SHROOM4: variants seen among roughly 807,000 people sequenced by gnomAD.
The protein encoded by SHROOM4 is protein Shroom4.
SHROOM4 carries 17 observed loss-of-function variants against 80.3 expected under a neutral mutation model. The ratio of observed to expected loss-of-function variants is 0.21; its 90% confidence interval spans 0.14 to 0.32. The LOEUF is 0.32. Among genes scored for constraint, SHROOM4 ranks in the 10% least tolerant of loss-of-function variants. SHROOM4 has a pLI of 1.00. For synonymous variants in SHROOM4, 400 were observed against 437.5 expected, an observed-to-expected ratio of 0.91 and a Z score of 1.07; for missense variants, 993 against 1,140.3, an observed-to-expected ratio of 0.87 and a Z score of 1.86.
chrX:50,617,469 A>G (rs1930293278), intron 5 of SHROOM4, among the ~76,000 whole-genome samples: 1 of 111,677 alleles, frequency 9.0e-6, no homozygotes, highest in South Asian at 3.8e-4. Flanking sequence ...TAAGGAGTTT[A>G]AGCCTGGACT....
At chrX:50,678,179 A>G (rs1932878721) in intron 2 of SHROOM4, among the ~76,000 whole-genome samples, 1 of 111,219 alleles carries the variant, frequency 9.0e-6, no homozygotes, top group Non-Finnish European at 1.9e-5. Context: ...TTTCCTCTCA[A>G]AGGTTAGCCC....
chrX:50,685,380 C>T (rs1933048719), intron 2 of SHROOM4, among the ~76,000 whole-genome samples: 1 of 111,562 alleles, frequency 9.0e-6, no homozygotes, highest in Non-Finnish European at 1.9e-5. Flanking sequence ...AAGTCTGGAG[C>T]TCAGGAAGAA....
chrX:50,778,853 C>T (rs1385928037), intron 1 of SHROOM4, among the ~76,000 whole-genome samples: 7 of 111,306 alleles, frequency 6.3e-5, no homozygotes, highest in Admixed American at 2.9e-4. Flanking sequence ...AATCACTTTC[C>T]GACACTTCCC....
intron 2 of SHROOM4, among the ~76,000 whole-genome samples, chrX:50,641,147 T>C (rs1333204865): frequency 5.1e-4 from 57 of 112,007 alleles, no homozygotes; most frequent in Non-Finnish European, 2.4e-4. Context: ...CAGGGTAATC[T>C]AGCCCTCACA....
At chrX:50,605,758 A>G (rs1033801897) in intron 6 of SHROOM4, among the ~76,000 whole-genome samples, 17 of 112,603 alleles carry the variant, frequency 1.5e-4, no homozygotes, top group African/African-American at 5.5e-4. Flanking sequence ...ACTTGGAATT[A>G]GTTAGTTTCC....
intron 1 of SHROOM4, among the ~76,000 whole-genome samples, chrX:50,758,771 T>C (rs893545402): frequency 4.5e-5 from 5 of 111,945 alleles, no homozygotes; most frequent in Non-Finnish European, 7.5e-5. Context: ...TGGTAGAATT[T>C]ATTAGTAAAA....
At chrX:50,709,561 C>T (rs782526973) in intron 1 of SHROOM4, among the ~76,000 whole-genome samples, 1 of 111,777 alleles carries the variant, frequency 8.9e-6, no homozygotes, top group East Asian at 2.8e-4. Context: ...TCAGTTAGGA[C>T]TGTGAAAAGA....
chrX:50,632,518 G>A (rs1335585511), intron 4 of SHROOM4, among the ~76,000 whole-genome samples: 1 of 111,836 alleles, frequency 8.9e-6, no homozygotes, highest in Admixed American at 9.5e-5. Context: ...GGTCATAACC[G>A]GGATATAAGA....
intron 1 of SHROOM4, among the ~76,000 whole-genome samples, chrX:50,813,182 G>GGCGGCGGCA (rs1342056702): frequency 5.5e-5 from 6 of 109,834 alleles, no homozygotes; most frequent in South Asian, 3.8e-4. Context: ...CGGCGGCGGC[G>GGCGGCGGCA]GCGGCAGCGG....
intron 1 of SHROOM4, among the ~76,000 whole-genome samples, chrX:50,747,510 T>TA (rs782284433): frequency 2.7e-5 from 3 of 111,566 alleles, no homozygotes; most frequent in African/African-American, 6.5e-5. Context: ...CTTGTAATAT[T>TA]AAAAAAAAGT....
At chrX:50,769,356 G>A (rs1034665896) in intron 1 of SHROOM4, among the ~76,000 whole-genome samples, 8 of 112,015 alleles carry the variant, frequency 7.1e-5, no homozygotes, top group African/African-American at 1.3e-4. Context: ...AATAGAAAAG[G>A]TCAGTTCAGG....
intron 2 of SHROOM4, among the ~76,000 whole-genome samples, chrX:50,660,520 C>G (rs1932458227): frequency 2.4e-5 from 2 of 81,897 alleles, no homozygotes; most frequent in African/African-American, 9.4e-5. Context: ...CTCTCTCTCT[C>G]TCTCTCTCCC....
At chrX:50,684,405 G>A (rs1557262061) in intron 2 of SHROOM4, among the ~76,000 whole-genome samples, 1 of 111,468 alleles carries the variant, frequency 9.0e-6, no homozygotes, top group African/African-American at 3.3e-5. Context: ...GAGAGAGCAT[G>A]GCCCTACCGA....
chrX:50,686,289 C>A (rs1557262251), intron 2 of SHROOM4, among the ~76,000 whole-genome samples: 1 of 110,853 alleles, frequency 9.0e-6, no homozygotes, highest in Non-Finnish European at 1.9e-5. Context: ...CCCGCCTCGG[C>A]CTCCCAAAGT....
In SHROOM4 at chrX:50,588,511, G is replaced by T. The variant is rs191675363; in HGVS notation, c.*8184C>A. On this transcript the variant is annotated 3_prime_UTR_variant, in exon 9 of 9. Coordinates refer to ENST00000376020, the MANE Select transcript of SHROOM4 (RefSeq NM_020717.5). ...TACAGGGAAGTTAAACATGCTCAAG[G>T]TTACACAATGTGTAAGTGGTGGAGC... Among the ~76,000 whole-genome samples the T allele has an allele frequency of 1.8e-5, 2 of 112,057 alleles. No individual in the cohort carries two copies. The highest frequency in any genetic ancestry group is 5.6e-4 in the East Asian group (2 of 3,554).
At chrX:50,651,584 T>C (rs1055158772) in intron 2 of SHROOM4, among the ~76,000 whole-genome samples, 1 of 111,383 alleles carries the variant, frequency 9.0e-6, no homozygotes, top group Non-Finnish European at 1.9e-5. Flanking sequence ...CAATATGAAT[T>C]TTGGTTTTGT....
At chrX:50,779,770 A>G (rs1023198916) in intron 1 of SHROOM4, among the ~76,000 whole-genome samples, 3 of 112,032 alleles carry the variant, frequency 2.7e-5, no homozygotes, top group Non-Finnish European at 5.6e-5. Context: ...TCACCCAGTC[A>G]CCATCTGCAA....
rs781992532 is a variant in SHROOM4 at position 50,635,048 on chromosome X, C to G, written c.1025G>C (p.Cys342Ser). The G allele has an allele frequency of 1.7e-6, 2 of 1,210,800 alleles. No individual in the cohort carries two copies. The highest frequency in any genetic ancestry group is 2.2e-6 in the Non-Finnish European group (2 of 895,396). The change falls in exon 4 of 9, where the codon TGT becomes TCT. Residue 342 changes from cysteine (C) to serine (S), a missense_variant. By Grantham distance (112) the Cys-to-Ser change is moderately radical. Transcript: ENST00000376020. ...DQVTSEGHQN[C>S]EFSQPPESSQ... Reference sequence around the variant, plus strand: ...GGATTCAGGAGGCTGACTGAACTCACAGTTCTGATGGCCCTCACTTGTCAC... The same window carrying G: ...GGATTCAGGAGGCTGACTGAACTCAGAGTTCTGATGGCCCTCACTTGTCAC...
chrX:50,655,477 T>C lies in SHROOM4; in HGVS notation c.270-17169A>G, dbSNP rs183116245. ...TTTTTTATGGCTGTATAGTATTTCA[T>C]TGTATATGTGTGTGTGTATATATAT... is the stretch of plus-strand genomic sequence containing the variant. On this transcript the variant is annotated intron_variant, in intron 2 of 8. Coordinates refer to ENST00000376020, the MANE Select transcript of SHROOM4 (RefSeq NM_020717.5). Among the ~76,000 whole-genome samples the C allele has an allele frequency of 1.1e-4, 12 of 107,554 alleles. No homozygotes were observed. The East Asian group carries it at 3.4e-3, about 31-fold the overall frequency. The allele number at this position is 107,554 out of a possible 115,157, so 93.4% of individuals were successfully genotyped here. A position where few individuals can be genotyped will look rare whatever the true frequency, so the allele number is the denominator to read the frequency against.
Sources: allele counts gnomAD v4.1 joint callset (sites outside exome capture counted in the v4.1 genomes callset), GRCh38; gene constraint gnomAD v4.1.1; transcripts MANE v1.5; gene names NCBI Gene and HGNC (gene_info 2026-07-23, HGNC 2026-07-21).